Variants in FBXW10 observed in about 807,000 individuals in gnomAD.
FBXW10 encodes the protein F-box and WD repeat domain containing 10.
In FBXW10, 68 loss-of-function variants were observed where a neutral mutation model predicts 113.1. That is an observed-to-expected ratio of 0.60 (90% CI 0.49 to 0.74). The LOEUF (loss-of-function observed/expected upper bound fraction) is 0.74. FBXW10 is among the 30% of genes least tolerant of loss of function. The probability of loss-of-function intolerance (pLI) is 0.00; values close to 1 mark genes in which losing one functional copy is unlikely to be tolerated. For synonymous variants in FBXW10, 289 were observed against 481.6 expected, an observed-to-expected ratio of 0.60 and a Z score of 5.24; for missense variants, 753 against 1,284.5, an observed-to-expected ratio of 0.59 and a Z score of 6.32.
At chr17:18,748,138 G>A (rs755503206) in intron 2 of FBXW10, 33 bp downstream of exon 2, 1 of 1,612,838 alleles carries the variant, frequency 6.2e-7, no homozygotes, top group Non-Finnish European at 8.5e-7. Context: ...AGCCAATATG[G>A]GCTAGGTGCG....
At chr17:18,750,757 C>T (rs2035151031) in intron 4 of FBXW10, among the ~76,000 whole-genome samples, 174 bp from the exon 5 acceptor site, 1 of 152,202 alleles carries the variant, frequency 6.6e-6, no homozygotes, top group South Asian at 2.1e-4. Context: ...TCCATTCGAT[C>T]TGCACACACT....
At chr17:18,759,974 C>T (rs1295509542) in intron 7 of FBXW10, among the ~76,000 whole-genome samples, 2 of 152,104 alleles carry the variant, frequency 1.3e-5, no homozygotes, top group East Asian at 1.9e-4. Context: ...TTGGATGTGT[C>T]CCCTGGTGCC....
At chr17:18,759,168 T>C (rs1308162292) in intron 7 of FBXW10, among the ~76,000 whole-genome samples, 1 of 151,892 alleles carries the variant, frequency 6.6e-6, no homozygotes, top group East Asian at 1.9e-4. Context: ...AGACTCCATC[T>C]CAAAAAAAAC....
chr17:18,768,826 G>A (rs1597602155), intron 10 of FBXW10, 150 bp downstream of exon 10: 3 of 867,496 alleles, frequency 3.5e-6, no homozygotes, highest in South Asian at 3.5e-5. Context: ...CTTCCACCTG[G>A]GACCCATTTT....
intron 2 of FBXW10, among the ~76,000 whole-genome samples, chr17:18,748,628 T>A (rs2035094571): frequency 6.6e-6 from 1 of 151,870 alleles, no homozygotes; most frequent in Non-Finnish European, 1.5e-5. Context: ...ATTAAATTGA[T>A]CAATATGGCC....
At chr17:18,766,379 T>G (rs796832576) in intron 8 of FBXW10, among the ~76,000 whole-genome samples, 1 of 152,028 alleles carries the variant, frequency 6.6e-6, no homozygotes, top group African/African-American at 2.4e-5. Flanking sequence ...ATCTACTCGA[T>G]AGCAAGCATT....
chr17:18,768,058 CT>C (rs1422275237), intron 9 of FBXW10, among the ~76,000 whole-genome samples: 7 of 145,630 alleles, frequency 4.8e-5, no homozygotes, highest in Non-Finnish European at 9.1e-5. Flanking sequence ...TTCCTTCTTT[CT>C]TTCTTTCTTT....
At chr17:18,769,780 A>G in intron 10 of FBXW10, 147 bp from the exon 11 acceptor site, 1 of 674,454 alleles carries the variant, frequency 1.5e-6, no homozygotes, top group East Asian at 3.7e-5. Context: ...TCCATCTCAA[A>G]AAAAAAAAAA....
chr17:18,750,274 GT>G (rs2035137981), intron 4 of FBXW10, 137 bp downstream of exon 4: 1 of 966,714 alleles, frequency 1.0e-6, no homozygotes, highest in Non-Finnish European at 1.5e-6. Flanking sequence ...GGCTTCCTGG[GT>G]CCCTTCTTTT....
chr17:18,775,196 A>C lies in FBXW10; in HGVS notation c.2335+4A>C, dbSNP rs903979012. The C allele has an allele frequency of 6.3e-7, 1 of 1,597,386 alleles. No homozygotes were observed. Among genetic ancestry groups the C allele is most frequent in the African/African-American group, 1.3e-5 (1 of 74,582 alleles). ...TCAAAATCACCCCGAAGAGATGGTA[A>C]GAAGAGAGTTTATTCTGTTCATAAG... On this transcript the variant is annotated splice_donor_region_variant and intron_variant, in intron 13 of 13. Coordinates refer to ENST00000395665, the MANE Select transcript of FBXW10 (RefSeq NM_001267585.2).
Position 18,750,923 on chromosome 17 carries a change from T to A in FBXW10, c.1000-8T>A. On this transcript the variant is annotated splice_polypyrimidine_tract_variant and splice_region_variant and intron_variant, in intron 4 of 13. Transcript: ENST00000395665. ...TATTTTTATTTTTTATTTTTTGTCT[T>A]TTTCCAGGGGTCCTACACAAGAGGA... 2.5e-6 allele frequency: 4 copies of A among 1,607,014 alleles called. No homozygotes were observed. Among genetic ancestry groups the A allele is most frequent in the Non-Finnish European group, 3.4e-6 (4 of 1,177,956 alleles).
chr17:18,777,598 C>A (rs2035726011), intron 13 of FBXW10, among the ~76,000 whole-genome samples: 1 of 150,886 alleles, frequency 6.6e-6, no homozygotes, highest in African/African-American at 2.4e-5. Context: ...GGCTGGAGTG[C>A]AGTGGCGCGA....
At chr17:18,775,292 G>A in intron 13 of FBXW10, 100 bp downstream of exon 13, 1 of 770,004 alleles carries the variant, frequency 1.3e-6, no homozygotes, top group Non-Finnish European at 2.3e-6. Flanking sequence ...AAGACAAAAA[G>A]TCATACTTAA....
chr17:18,766,662 T>A, intron 8 of FBXW10, 52 bp from the exon 9 acceptor site: 3 of 1,589,162 alleles, frequency 1.9e-6, no homozygotes, highest in Non-Finnish European at 2.6e-6. Flanking sequence ...AACCTTTCCT[T>A]TTCCCCCTTT....
At chr17:18,746,677 A>C (rs1257212835) in intron 1 of FBXW10, among the ~76,000 whole-genome samples, 3 of 152,186 alleles carry the variant, frequency 2.0e-5, no homozygotes, top group Non-Finnish European at 2.9e-5. Flanking sequence ...TATTTACATA[A>C]GGAGACCAAA....
In FBXW10 at chr17:18,772,396, G is replaced by C; in HGVS notation, c.2007-16G>C. ...CCACAGTCCTTTTGTGGACAACCCT[G>C]TTGTTTCGGTTCCAGGATGGTGGTC... On this transcript the variant is annotated splice_polypyrimidine_tract_variant and intron_variant, in intron 11 of 13. Coordinates refer to ENST00000395665, the MANE Select transcript of FBXW10 (RefSeq NM_001267585.2). 4 of 1,609,734 alleles carry C rather than the reference G, an allele frequency of 2.5e-6. No homozygotes were observed. The highest frequency in any genetic ancestry group is 3.4e-6 in the Non-Finnish European group (4 of 1,177,684).
chr17:18,764,725 T>C lies in FBXW10; in HGVS notation c.1434-17T>C. 6.2e-7 allele frequency: 1 copy of C among 1,613,840 alleles called. No homozygotes were observed. The highest frequency in any genetic ancestry group is 8.5e-7 in the Non-Finnish European group (1 of 1,179,824). ...GCCCTCAGGAACTCTCACATTCTTT[T>C]GGCCTGATTCCTGCAGATACTGGGA... On this transcript the variant is annotated splice_polypyrimidine_tract_variant and intron_variant, in intron 7 of 13. Coordinates refer to ENST00000395665, the MANE Select transcript of FBXW10 (RefSeq NM_001267585.2).
At chr17:18,765,820 G>A (rs1273527564) in intron 8 of FBXW10, among the ~76,000 whole-genome samples, 4 of 151,906 alleles carry the variant, frequency 2.6e-5, no homozygotes, top group African/African-American at 9.7e-5. Flanking sequence ...TCTGCCTCCC[G>A]GGTTCAAGTG....
chr17:18,750,785 G>A (rs1317813671), intron 4 of FBXW10, 146 bp from the exon 5 acceptor site: 1 of 886,576 alleles, frequency 1.1e-6, no homozygotes, highest in East Asian at 2.7e-5. Flanking sequence ...GAACTGGCCA[G>A]AAGTGGGCCT....
Sources: allele counts gnomAD v4.1 joint callset (sites outside exome capture counted in the v4.1 genomes callset), GRCh38; gene constraint gnomAD v4.1.1; transcripts MANE v1.5; gene names NCBI Gene and HGNC (gene_info 2026-07-23, HGNC 2026-07-21).